Variants in EXOC4 observed in about 807,000 individuals in gnomAD.
EXOC4 encodes the protein exocyst complex component 4, also known as SEC8-like 1.
Under a neutral mutation model 107.2 loss-of-function variants are expected in EXOC4, and 71 were observed. That is an observed-to-expected ratio of 0.66 (90% CI 0.55 to 0.81). The LOEUF (loss-of-function observed/expected upper bound fraction) is 0.81. EXOC4 is among the 30% of genes least tolerant of loss of function. The probability of loss-of-function intolerance (pLI) is 0.00; values close to 1 mark genes in which losing one functional copy is unlikely to be tolerated. For missense variants in EXOC4, 1,108 were observed against 1,189.6 expected (o/e 0.93, Z 1.01); for synonymous variants, 456 against 441.2 (o/e 1.03, Z -0.42).
In EXOC4 at chr7:133,498,250, C is replaced by T. The variant is rs547232302; in HGVS notation, c.1417+18112C>T. 1.6e-3 allele frequency among the ~76,000 whole-genome samples: 244 copies of T among 152,288 alleles called. 1 individual carries two copies. Among genetic ancestry groups the T allele is most frequent in the African/African-American group, 5.5e-3 (230 of 41,580 alleles). On this transcript the variant is annotated intron_variant, in intron 9 of 17. Transcript: ENST00000253861. ...CTGTCACCAGATCCTACTGATGCTG[C>T]CTCCTAAGTGCCTTACAAACCCATT...
At chr7:133,819,308 A>C in intron 11 of EXOC4, among the ~76,000 whole-genome samples, 1 of 146,808 alleles carries the variant, frequency 6.8e-6, no homozygotes, top group African/African-American at 2.5e-5. Flanking sequence ...TCCCAGATAG[A>C]TCTCCCCAGT....
chr7:134,077,861 G>C, the EXOC4 span, among the ~76,000 whole-genome samples: 1 of 152,220 alleles, frequency 6.6e-6, no homozygotes, highest in Non-Finnish European at 1.5e-5. Context: ...GTACTTCTTA[G>C]ATAAAACAGA....
At chr7:133,643,118 T>A (rs1802899890) in intron 10 of EXOC4, among the ~76,000 whole-genome samples, 1 of 152,184 alleles carries the variant, frequency 6.6e-6, no homozygotes, top group Admixed American at 6.5e-5. Context: ...CAGGTGTTAT[T>A]TGATGTATTA....
intron 3 of EXOC4, among the ~76,000 whole-genome samples, chr7:133,298,487 T>A (rs868802686): frequency 1.3e-5 from 2 of 152,184 alleles, no homozygotes; most frequent in African/African-American, 4.8e-5. Flanking sequence ...TAGTGGTCTC[T>A]TCTATTGGAT....
intron 9 of EXOC4, among the ~76,000 whole-genome samples, chr7:133,588,027 T>C (rs1373381293): frequency 1.3e-5 from 2 of 152,256 alleles, no homozygotes; most frequent in African/African-American, 2.4e-5. Context: ...TTTGACATTT[T>C]CTGTTTCCTG....
At chr7:133,357,791 C>CT (rs908665574) in intron 6 of EXOC4, among the ~76,000 whole-genome samples, 15 of 152,222 alleles carry the variant, frequency 9.9e-5, no homozygotes, top group African/African-American at 3.6e-4. Context: ...TTCAATTATA[C>CT]TTTAACATTT....
chr7:133,951,360 G>C (rs1417914375), intron 14 of EXOC4, among the ~76,000 whole-genome samples: 1 of 152,190 alleles, frequency 6.6e-6, no homozygotes, highest in African/African-American at 2.4e-5. Flanking sequence ...TTATTTGGAG[G>C]CTAAGGTCAA....
intron 10 of EXOC4, among the ~76,000 whole-genome samples, chr7:133,752,207 G>A (rs1795809123): frequency 2.6e-5 from 4 of 152,058 alleles, no homozygotes; most frequent in African/African-American, 9.7e-5. Flanking sequence ...TCTTCCTCTA[G>A]TAAGTATTCC....
At chr7:133,809,959 T>C (rs1319118038) in intron 10 of EXOC4, among the ~76,000 whole-genome samples, 1 of 152,196 alleles carries the variant, frequency 6.6e-6, no homozygotes, top group African/African-American at 2.4e-5. Context: ...TGATGTGCTC[T>C]CATGATTAGA....
At chr7:133,747,360 C>T (rs572396673) in intron 10 of EXOC4, among the ~76,000 whole-genome samples, 21 of 152,170 alleles carry the variant, frequency 1.4e-4, no homozygotes, top group Non-Finnish European at 2.5e-4. Flanking sequence ...GACAACTGTA[C>T]GCTGAGTAGA....
chr7:133,358,575 T>A (rs941122370), intron 6 of EXOC4, among the ~76,000 whole-genome samples: 4 of 152,204 alleles, frequency 2.6e-5, no homozygotes, highest in Non-Finnish European at 5.9e-5. Flanking sequence ...CGTGAAGACC[T>A]TTTGACTCCT....
chr7:133,546,904 G>C (rs190468383), intron 9 of EXOC4, among the ~76,000 whole-genome samples: 1 of 152,130 alleles, frequency 6.6e-6, no homozygotes, highest in East Asian at 1.9e-4. Flanking sequence ...GCATAAATTT[G>C]ATATGCATTT....
chr7:133,660,272 A>G (rs1803408853), intron 10 of EXOC4, among the ~76,000 whole-genome samples: 1 of 151,886 alleles, frequency 6.6e-6, no homozygotes. Flanking sequence ...TAGACTGCAG[A>G]ATGATTAATT....
intron 3 of EXOC4, among the ~76,000 whole-genome samples, chr7:133,303,519 T>C (rs1463394340): frequency 1.3e-5 from 2 of 152,204 alleles, no homozygotes; most frequent in African/African-American, 4.8e-5. Flanking sequence ...TTTCTTTAAA[T>C]TGGTTTGAGT....
chr7:133,492,832 C>T lies in EXOC4; in HGVS notation c.1417+12694C>T, dbSNP rs182608826. ...GTGCAAGTCACTTAACCAGTTTTCT[C>T]AGTTGTAAAAGGAAGAAGGTAAGTG... On this transcript the variant is annotated intron_variant, in intron 9 of 17. Transcript: ENST00000253861. 1.9e-4 allele frequency among the ~76,000 whole-genome samples: 29 copies of T among 152,052 alleles called. No homozygotes were observed. In the East Asian group the frequency reaches 4.6e-3, roughly 24 times the overall value.
chr7:133,671,291 C>T (rs936514285), intron 10 of EXOC4, among the ~76,000 whole-genome samples: 5 of 152,094 alleles, frequency 3.3e-5, no homozygotes, highest in African/African-American at 7.2e-5. Context: ...GGGCCAGGCA[C>T]GGTGGCTCAT....
chr7:133,478,864 G>A (rs1799084209), intron 8 of EXOC4: 1 of 152,130 alleles, frequency 6.6e-6, no homozygotes, highest in African/African-American at 2.4e-5. Context: ...CAGGTGGCAT[G>A]TTTGAAGTAC....
intron 2 of EXOC4, 30 bp downstream of exon 2, chr7:133,275,201 A>G (rs773692612): frequency 7.2e-6 from 11 of 1,535,076 alleles, no homozygotes; most frequent in Non-Finnish European, 9.7e-6. Context: ...TGATGGTGGC[A>G]GCACTTCCCA....
At chr7:133,531,656 A>G (rs926158523) in intron 9 of EXOC4, among the ~76,000 whole-genome samples, 1 of 152,308 alleles carries the variant, frequency 6.6e-6, no homozygotes, top group African/African-American at 2.4e-5. Context: ...AGTTCTTCTT[A>G]TGTGAAAAGT....
Sources: allele counts gnomAD v4.1 joint callset (sites outside exome capture counted in the v4.1 genomes callset), GRCh38; gene constraint gnomAD v4.1.1; transcripts MANE v1.5; gene names NCBI Gene and HGNC (gene_info 2026-07-23, HGNC 2026-07-21).